The following ANKFN1 variants were observed in gnomAD, a reference collection of about 807,000 sequenced individuals.
ANKFN1 encodes ankyrin repeat and fibronectin type III domain containing 1.
In ANKFN1, 74 loss-of-function variants were observed where a neutral mutation model predicts 108.7. The observed-to-expected ratio is 0.68, with a 90% CI of 0.56 to 0.83. The LOEUF (loss-of-function observed/expected upper bound fraction) is 0.83. Among genes scored for constraint, ANKFN1 ranks in the 40% least tolerant of loss-of-function variants. The probability of loss-of-function intolerance (pLI) is 0.00; values close to 1 mark genes in which losing one functional copy is unlikely to be tolerated. For synonymous variants in ANKFN1, 547 were observed against 516.2 expected (o/e 1.06, Z -0.81); for missense variants, 1,505 against 1,382.3 (o/e 1.09, Z -1.41).
chr17:56,078,704 G>T (rs766616621), intron 4 of ANKFN1, among the ~76,000 whole-genome samples: 1 of 152,272 alleles, frequency 6.6e-6, no homozygotes, highest in South Asian at 2.1e-4. Context: ...CCCTGGGCAG[G>T]CATCGTGGAG....
rs138044118 is a variant in ANKFN1 at position 56,091,089 on chromosome 17, A to G, written c.288+44764A>G. 3.2e-3 allele frequency among the ~76,000 whole-genome samples: 484 copies of G among 151,284 alleles called. 15 individuals are homozygous for G. The highest frequency in any genetic ancestry group is 0.011 in the African/African-American group (462 of 41,256). On this transcript the variant is annotated intron_variant, in intron 4 of 12. Coordinates refer to the ANKFN1 transcript ENST00000635860. The stretch of plus-strand genomic sequence containing the variant: ...TTGTTTTCCTCCCAGAAGCTGGTCC[A>G]AAGCATAAGACGTAGTAGCGCCTCA...
At chr17:56,093,393 T>A (rs938297094) in intron 4 of ANKFN1, among the ~76,000 whole-genome samples, 1 of 151,198 alleles carries the variant, frequency 6.6e-6, no homozygotes, top group African/African-American at 2.4e-5. Context: ...GTGCTTGTTT[T>A]GAACGTGCCA....
intron 1 of ANKFN1, among the ~76,000 whole-genome samples, chr17:56,160,738 C>T (rs769178651): frequency 5.3e-5 from 8 of 152,176 alleles, no homozygotes; most frequent in African/African-American, 1.9e-4. Flanking sequence ...TAATGAATCC[C>T]GTGGAAGATG....
At chr17:56,141,040 C>A (rs1381735999) in intron 4 of ANKFN1, among the ~76,000 whole-genome samples, 1 of 152,184 alleles carries the variant, frequency 6.6e-6, no homozygotes, top group African/African-American at 2.4e-5. Flanking sequence ...TTGCTCCTGG[C>A]TTTCTGGATG....
At chr17:56,163,820 A>G (rs1359583701) in intron 1 of ANKFN1, among the ~76,000 whole-genome samples, 6 of 152,156 alleles carry the variant, frequency 3.9e-5, no homozygotes, top group Non-Finnish European at 8.8e-5. Context: ...ATCTGAACAA[A>G]CACACAAGCT....
In ANKFN1 at chr17:56,395,219, A is replaced by G. The variant is rs191002693; in HGVS notation, c.910+20505A>G. On this transcript the variant is annotated intron_variant, in intron 8 of 20. Coordinates refer to ENST00000682825, the MANE Select transcript of ANKFN1 (RefSeq NM_001370326.1). ...ATTTACAGAGAGGTGACGAGGGTTC[A>G]TGAAAGGACAAGGGATTTTAAAGCA... Among the ~76,000 whole-genome samples, 160 of 152,352 alleles carry G rather than the reference A, an allele frequency of 1.1e-3. 1 individual carries two copies. Among genetic ancestry groups the G allele is most frequent in the African/African-American group, 3.4e-3 (143 of 41,594 alleles).
chr17:56,213,251 G>A (rs549399333), intron 2 of ANKFN1, among the ~76,000 whole-genome samples: 10 of 152,172 alleles, frequency 6.6e-5, no homozygotes, highest in East Asian at 1.9e-4. Context: ...CAACCATCCC[G>A]TCACAGGCTG....
At chr17:56,486,621 T>C (rs2050866950) in intron 18 of ANKFN1, among the ~76,000 whole-genome samples, 1 of 152,202 alleles carries the variant, frequency 6.6e-6, no homozygotes, top group Admixed American at 6.5e-5. Flanking sequence ...CTAAGAAGGA[T>C]GCTAAGCATT....
chr17:56,476,185 G>A (rs559539759), intron 15 of ANKFN1, among the ~76,000 whole-genome samples: 3 of 152,248 alleles, frequency 2.0e-5, no homozygotes, highest in Admixed American at 2.0e-4. Context: ...AGATTTGGGT[G>A]GGGACACAAA....
At chr17:56,154,291 G>T (rs971685302) in intron 1 of ANKFN1, among the ~76,000 whole-genome samples, 26 of 152,238 alleles carry the variant, frequency 1.7e-4, no homozygotes, top group African/African-American at 6.0e-4. Context: ...CCTGGTAGGG[G>T]ATACTAATAG....
chr17:56,109,822 G>A (rs930585588), intron 4 of ANKFN1, among the ~76,000 whole-genome samples: 13 of 152,204 alleles, frequency 8.5e-5, no homozygotes, highest in Admixed American at 3.3e-4. Flanking sequence ...GAAATACTGC[G>A]TGTGATGTGT....
chr17:56,236,276 C>T (rs899594324), intron 3 of ANKFN1, among the ~76,000 whole-genome samples: 3 of 152,076 alleles, frequency 2.0e-5, no homozygotes, highest in African/African-American at 7.2e-5. Flanking sequence ...CCAGGATGGT[C>T]TCGAACTCCT....
chr17:56,160,412 C>T (rs1909542113), intron 1 of ANKFN1, among the ~76,000 whole-genome samples: 1 of 152,116 alleles, frequency 6.6e-6, no homozygotes, highest in African/African-American at 2.4e-5. Context: ...TCTTTCTCTT[C>T]CTTTCTTTCT....
intron 1 of ANKFN1, among the ~76,000 whole-genome samples, chr17:56,190,098 C>G (rs1912739085): frequency 1.4e-5 from 2 of 144,890 alleles, no homozygotes; most frequent in South Asian, 4.6e-4. Flanking sequence ...TGATTCTTCT[C>G]TCTTTTTTTC....
At chr17:56,082,442 A>AC (rs137917267) in intron 4 of ANKFN1, among the ~76,000 whole-genome samples, 1,746 of 133,236 alleles carry the variant, frequency 0.013, 31 homozygotes, top group African/African-American at 0.049. Context: ...ACACACACAC[A>AC]AAAAAAAACC....
intron 4 of ANKFN1, among the ~76,000 whole-genome samples, chr17:56,078,794 GA>G (rs1305115179): frequency 6.6e-6 from 1 of 152,206 alleles, no homozygotes; most frequent in Non-Finnish European, 1.5e-5. Flanking sequence ...AGCTGTGTGG[GA>G]ACATCACCCT....
chr17:56,450,543 T>A (rs1047696600), intron 11 of ANKFN1, among the ~76,000 whole-genome samples: 1 of 152,172 alleles, frequency 6.6e-6, no homozygotes, highest in Non-Finnish European at 1.5e-5. Flanking sequence ...CTCTAAGAAG[T>A]CTTTACCCAG....
rs542810669 is a variant in ANKFN1 at position 56,516,859 on chromosome 17, G to A, written c.*5590G>A. Among the ~76,000 whole-genome samples, 3 of 152,126 alleles carry A rather than the reference G, an allele frequency of 2.0e-5. No homozygotes were observed. Among genetic ancestry groups the A allele is most frequent in the African/African-American group, 7.2e-5 (3 of 41,436 alleles). ...TTCATAAGCATTAATTATACTTTAT[G>A]TCTTACCTAATATTGTTGATATCTA... On this transcript the variant is annotated 3_prime_UTR_variant, in exon 21 of 21. Coordinates refer to ENST00000682825, the MANE Select transcript of ANKFN1 (RefSeq NM_001370326.1).
intron 1 of ANKFN1, among the ~76,000 whole-genome samples, chr17:56,206,091 A>G (rs1739280409): frequency 6.6e-6 from 1 of 152,180 alleles, no homozygotes; most frequent in Admixed American, 6.5e-5. Context: ...GATGAAGTTT[A>G]TTATTCCTAT....
Sources: allele counts gnomAD v4.1 joint callset (sites outside exome capture counted in the v4.1 genomes callset), GRCh38; gene constraint gnomAD v4.1.1; transcripts MANE v1.5; gene names NCBI Gene and HGNC (gene_info 2026-07-23, HGNC 2026-07-21).